ATAD1: variants seen among roughly 807,000 people sequenced by gnomAD.
ATAD1 encodes ATPase family AAA domain containing 1.
ATAD1 carries 18 observed loss-of-function variants against 42.7 expected under a neutral mutation model. The observed-to-expected ratio is 0.42, with a 90% CI of 0.29 to 0.63. ATAD1 has a LOEUF of 0.63. ATAD1 is among the 20% of genes least tolerant of loss of function. The probability of loss-of-function intolerance (pLI) is 0.19; values close to 1 mark genes in which losing one functional copy is unlikely to be tolerated. For synonymous variants in ATAD1, 132 were observed against 143.1 expected (o/e 0.92, Z 0.55); for missense variants, 294 against 440.4 (o/e 0.67, Z 2.98).
intron 1 of ATAD1, among the ~76,000 whole-genome samples, chr10:87,835,175 T>C (rs1857908596): frequency 6.6e-6 from 1 of 152,150 alleles, no homozygotes; most frequent in South Asian, 2.1e-4. Context: ...CTGTGCCATG[T>C]ACATTTTAAA....
intron 1 of ATAD1, among the ~76,000 whole-genome samples, chr10:87,824,456 T>A (rs992599391): frequency 2.0e-5 from 3 of 152,338 alleles, no homozygotes; most frequent in Non-Finnish European, 4.4e-5. Context: ...AAGTTACTTA[T>A]GTTCTCAAGC....
Position 87,770,979 on chromosome 10 carries a change from C to A in ATAD1, c.753G>T (p.Met251Ile), listed in dbSNP as rs766137546. 1.2e-6 allele frequency: 2 copies of A among 1,613,486 alleles called. No individual in the cohort carries two copies. The highest frequency in any genetic ancestry group is 1.7e-5 in the Admixed American group (1 of 59,990). ...GCTGGTTGATATGAAATCTTGTAGG[C>A]ATTCTTCTCATTATAGCCGAGTCAA... is the stretch of plus-strand genomic sequence containing the variant. ...QDLDSAIMRR[M>I]PTRFHINQPA... Residue 251 changes from methionine to isoleucine, a missense_variant, in exon 7 of 10, where the codon ATG becomes ATT. Physicochemically the swap from Met to Ile is conservative, Grantham distance 10. Coordinates refer to ENST00000680024, the MANE Select transcript of ATAD1 (RefSeq NM_001321967.2).
chr10:87,794,878 T>C (rs1856305760), intron 2 of ATAD1, among the ~76,000 whole-genome samples: 1 of 152,224 alleles, frequency 6.6e-6, no homozygotes. Context: ...TCTTTTCAAG[T>C]TTACCTAAGA....
intron 4 of ATAD1, among the ~76,000 whole-genome samples, chr10:87,785,294 A>T (rs1201374412): frequency 6.6e-6 from 1 of 151,866 alleles, no homozygotes; most frequent in Non-Finnish European, 1.5e-5. Context: ...AGAGGTTGGG[A>T]TCTTGAACAT....
chr10:87,790,766 C>T (rs1440354516), intron 3 of ATAD1, among the ~76,000 whole-genome samples: 2 of 152,086 alleles, frequency 1.3e-5, no homozygotes, highest in Non-Finnish European at 2.9e-5. Context: ...TAATTTAGCA[C>T]TGGCTGATGG....
At chr10:87,769,042 G>C (rs1381334445) in intron 7 of ATAD1, among the ~76,000 whole-genome samples, 2 of 152,124 alleles carry the variant, frequency 1.3e-5, no homozygotes, top group Non-Finnish European at 2.9e-5. Flanking sequence ...ATTTATAATT[G>C]TACGGCTGAC....
rs143935166 is a variant in ATAD1, at chr10:87,787,027, G to A, written c.383-2357C>T. ...AATTATCAGTGAGTCTAGAGATAAC[G>A]TTATTTAGAGTGGCACCTTTTCTAT... On this transcript the variant is annotated intron_variant, in intron 4 of 9. Transcript: ENST00000680024. Among the ~76,000 whole-genome samples, 86 of 152,114 alleles carry A rather than the reference G, an allele frequency of 5.7e-4. No individual in the cohort carries two copies. In the East Asian group the frequency reaches 0.014, roughly 25 times the overall value.
rs762782273 is a variant in ATAD1, at chr10:87,754,663, G to GAACT, written c.*20_*23dup. 1 of 1,606,670 alleles carries GAACT rather than the reference G, an allele frequency of 6.2e-7. No individual in the cohort carries two copies. Among genetic ancestry groups the GAACT allele is most frequent in the East Asian group, 2.2e-5 (1 of 44,764 alleles). ...AGAGGACACACCAAACTAGATCACT[G>GAACT]AACTGTACAAATGATCTTTACTCTT... is the stretch of plus-strand genomic sequence containing the variant. On this transcript the variant is annotated 3_prime_UTR_variant, in exon 10 of 10. Coordinates refer to ENST00000680024, the MANE Select transcript of ATAD1 (RefSeq NM_001321967.2).
chr10:87,768,876 G>A (rs1344997768), intron 7 of ATAD1, among the ~76,000 whole-genome samples: 2 of 152,120 alleles, frequency 1.3e-5, no homozygotes, highest in East Asian at 1.9e-4. Context: ...TTGAGGCCAG[G>A]AGTTGAGACT....
intron 6 of ATAD1, among the ~76,000 whole-genome samples, chr10:87,774,014 T>C (rs1334296887): frequency 6.6e-6 from 1 of 152,204 alleles, no homozygotes; most frequent in Non-Finnish European, 1.5e-5. Flanking sequence ...TGTTTTTTCT[T>C]GAACCATTCA....
At chr10:87,802,532 G>A (rs905940116) in intron 2 of ATAD1, among the ~76,000 whole-genome samples, 5 of 151,630 alleles carry the variant, frequency 3.3e-5, no homozygotes, top group African/African-American at 7.3e-5. Flanking sequence ...TAGGCAGGGC[G>A]CAGTGGCTCA....
At chr10:87,778,846 G>A (rs1361094649) in intron 5 of ATAD1, among the ~76,000 whole-genome samples, 1 of 152,044 alleles carries the variant, frequency 6.6e-6, no homozygotes, top group Non-Finnish European at 1.5e-5. Flanking sequence ...GACCAACACA[G>A]ACTGTAATTT....
chr10:87,832,658 A>G (rs1857854173), intron 1 of ATAD1, among the ~76,000 whole-genome samples: 1 of 152,096 alleles, frequency 6.6e-6, no homozygotes, highest in African/African-American at 2.4e-5. Flanking sequence ...ATTTTAAATC[A>G]TAATTTATAT....
chr10:87,823,122 A>T (rs1311158696), upstream of ATAD1, among the ~76,000 whole-genome samples: 1 of 151,838 alleles, frequency 6.6e-6, no homozygotes, highest in Non-Finnish European at 1.5e-5. Context: ...GCAAAGTTCA[A>T]AGAACATATT....
intron 1 of ATAD1, among the ~76,000 whole-genome samples, chr10:87,839,519 C>A (rs1857990714): frequency 6.6e-6 from 1 of 152,156 alleles, no homozygotes; most frequent in South Asian, 2.1e-4. Context: ...TAATAGTAAA[C>A]AGAACATGAG....
At chr10:87,767,141 CA>C (rs1253046774) in intron 8 of ATAD1, among the ~76,000 whole-genome samples, 1 of 152,096 alleles carries the variant, frequency 6.6e-6, no homozygotes, top group Non-Finnish European at 1.5e-5. Context: ...TGCACAGATA[CA>C]AAAACACATG....
upstream of ATAD1, among the ~76,000 whole-genome samples, chr10:87,820,570 A>G (rs920869233): frequency 6.6e-5 from 10 of 152,184 alleles, no homozygotes; most frequent in Admixed American, 6.5e-5. Flanking sequence ...TCTAGTCTCA[A>G]TTCATCTGCC....
chr10:87,767,837 G>T (rs1448330981), intron 7 of ATAD1, 114 bp from the exon 8 acceptor site: 18 of 1,003,090 alleles, frequency 1.8e-5, no homozygotes, highest in Non-Finnish European at 2.5e-5. Flanking sequence ...CTTATAAGGA[G>T]ATGACAGAAA....
intron 6 of ATAD1, among the ~76,000 whole-genome samples, chr10:87,774,799 C>G (rs1855213594): frequency 6.6e-6 from 1 of 151,702 alleles, no homozygotes; most frequent in Admixed American, 6.6e-5. Context: ...AAAAAAACAC[C>G]AAAATTAGCC....
Sources: allele counts gnomAD v4.1 joint callset (sites outside exome capture counted in the v4.1 genomes callset), GRCh38; gene constraint gnomAD v4.1.1; transcripts MANE v1.5; gene names NCBI Gene and HGNC (gene_info 2026-07-23, HGNC 2026-07-21).